Variants in DNAH8 observed in about 807,000 individuals in gnomAD.
The protein encoded by DNAH8 is axonemal beta dynein heavy chain 8.
Under a neutral mutation model 562.1 loss-of-function variants are expected in DNAH8, and 382 were observed. The ratio of observed to expected loss-of-function variants is 0.68; its 90% confidence interval spans 0.63 to 0.74. DNAH8 has a LOEUF of 0.74. Among genes scored for constraint, DNAH8 ranks in the 30% least tolerant of loss-of-function variants. DNAH8 has a pLI of 0.00. For synonymous variants in DNAH8, 1,881 were observed against 1,919.4 expected (o/e 0.98, Z 0.52); for missense variants, 5,203 against 5,620.4 (o/e 0.93, Z 2.37).
At chr6:39,009,964 C>A (rs772528415) in intron 89 of DNAH8, among the ~76,000 whole-genome samples, 1 of 152,142 alleles carries the variant, frequency 6.6e-6, no homozygotes, top group Non-Finnish European at 1.5e-5. Context: ...AGGCAGCATA[C>A]TTGCCTTCAA....
chr6:38,845,504 C>G, intron 35 of DNAH8, 70 bp from the exon 36 acceptor site: 1 of 1,301,146 alleles, frequency 7.7e-7, no homozygotes, highest in Non-Finnish European at 1.1e-6. Flanking sequence ...AAAAAAAATT[C>G]TATGATTTGA....
intron 58 of DNAH8, among the ~76,000 whole-genome samples, chr6:38,892,889 C>T (rs531630057): frequency 6.6e-5 from 10 of 152,254 alleles, no homozygotes; most frequent in Admixed American, 5.9e-4. Flanking sequence ...GGCCACCATA[C>T]GTTGGCTCAT....
chr6:38,902,261 T>A (rs1195641640), intron 62 of DNAH8, among the ~76,000 whole-genome samples: 1 of 152,128 alleles, frequency 6.6e-6, no homozygotes, highest in Non-Finnish European at 1.5e-5. Context: ...TTCAAACAGC[T>A]CCTCCAGGAG....
chr6:38,886,644 T>TA, intron 56 of DNAH8, 147 bp from the exon 57 acceptor site: 1 of 681,982 alleles, frequency 1.5e-6, no homozygotes, highest in Non-Finnish European at 2.5e-6. Flanking sequence ...TAAGTCAAAT[T>TA]ACCTTGAAGG....
At chr6:38,763,426 G>A (rs946536908) in intron 11 of DNAH8, 1 of 309,836 alleles carries the variant, frequency 3.2e-6, no homozygotes, top group Non-Finnish European at 6.2e-6. Flanking sequence ...GAAGAACAGA[G>A]CAACAAGAGC....
chr6:38,863,803 G>C, intron 44 of DNAH8, 70 bp from the exon 45 acceptor site: 1 of 1,310,556 alleles, frequency 7.6e-7, no homozygotes, highest in Non-Finnish European at 1.0e-6. Context: ...GGGAGCACTG[G>C]AGAAATGATT....
At chr6:38,761,122 T>G (rs1040955928) in intron 10 of DNAH8, among the ~76,000 whole-genome samples, 3 of 150,594 alleles carry the variant, frequency 2.0e-5, no homozygotes, top group Non-Finnish European at 3.0e-5. Flanking sequence ...ATTTTATTAT[T>G]ATTATACTTT....
In DNAH8 at chr6:38,803,329, T is replaced by C. The variant is rs1366971794; in HGVS notation, c.3034+18T>C. The C allele has an allele frequency of 6.3e-7, 1 of 1,588,968 alleles. No individual in the cohort carries two copies. On this transcript the variant is annotated intron_variant, in intron 22 of 92. Transcript: ENST00000327475. ...ACAGTCAGGTAACTTTTCTCGTTAC[T>C]GTGTTTGAATTACAAGATCTACAGA...
At chr6:38,974,624 G>T in intron 85 of DNAH8, 95 bp downstream of exon 85, 2 of 930,580 alleles carry the variant, frequency 2.1e-6, no homozygotes, top group Non-Finnish European at 3.3e-6. Context: ...ATCCGTTGCC[G>T]CTCTGTCTCC....
At chr6:38,737,507 A>T (rs373387718) in intron 6 of DNAH8, among the ~76,000 whole-genome samples, 1 of 151,610 alleles carries the variant, frequency 6.6e-6, no homozygotes, top group East Asian at 1.9e-4. Context: ...TTTTCACCAT[A>T]TTAAAATATA....
chr6:38,970,877 G>A (rs529667998), intron 82 of DNAH8, among the ~76,000 whole-genome samples: 2 of 152,274 alleles, frequency 1.3e-5, no homozygotes, highest in African/African-American at 2.4e-5. Flanking sequence ...CATGTGGGAG[G>A]TCACAAGCAT....
chr6:38,877,710 A>G (rs1778133311), intron 53 of DNAH8, among the ~76,000 whole-genome samples: 2 of 152,198 alleles, frequency 1.3e-5, no homozygotes, highest in South Asian at 4.1e-4. Flanking sequence ...TATGGACATT[A>G]ACATCTTTGG....
intron 3 of DNAH8, 105 bp from the exon 4 acceptor site, chr6:38,729,797 T>C (rs1763525459): frequency 1.5e-6 from 1 of 645,868 alleles, no homozygotes; most frequent in Non-Finnish European, 2.7e-6. Flanking sequence ...AATCTTGCCT[T>C]TATGTACCTT....
chr6:38,974,300 C>T (rs927843146), intron 84 of DNAH8, 74 bp from the exon 85 acceptor site: 1 of 1,183,408 alleles, frequency 8.5e-7, no homozygotes, highest in African/African-American at 1.6e-5. Flanking sequence ...GATATTCAGC[C>T]TAATATTGTA....
chr6:38,863,376 G>A (rs370857532), intron 44 of DNAH8, among the ~76,000 whole-genome samples: 54 of 152,024 alleles, frequency 3.6e-4, no homozygotes, highest in African/African-American at 1.0e-3. Context: ...GCAGTGAGCC[G>A]AGATCTTGCC....
intron 1 of DNAH8, among the ~76,000 whole-genome samples, chr6:38,720,560 A>G (rs1762672672): frequency 6.6e-6 from 1 of 152,214 alleles, no homozygotes; most frequent in African/African-American, 2.4e-5. Flanking sequence ...GACCTAGTGA[A>G]AAACAAAAGA....
intron 11 of DNAH8, among the ~76,000 whole-genome samples, chr6:38,770,114 G>A (rs1365721456): frequency 2.0e-5 from 3 of 152,082 alleles, no homozygotes; most frequent in Admixed American, 6.6e-5. Context: ...AGATGGATGC[G>A]AACTGAATAG....
chr6:38,828,359 T>G (rs1773548481), intron 30 of DNAH8, 71 bp downstream of exon 30: 1 of 859,126 alleles, frequency 1.2e-6, no homozygotes, highest in Non-Finnish European at 1.8e-6. Flanking sequence ...ATTTTATACC[T>G]TTTTAAAGCT....
chr6:38,791,775 T>C (rs1374322209), intron 21 of DNAH8, 101 bp downstream of exon 21: 1 of 1,286,650 alleles, frequency 7.8e-7, no homozygotes, highest in African/African-American at 1.6e-5. Context: ...CAGTAGCATT[T>C]AGACTTTTTT....
Sources: gnomAD v4.1 joint callset for allele counts (sites outside exome capture counted in the v4.1 genomes callset) on GRCh38, gnomAD v4.1.1 for gene constraint, MANE v1.5 for transcripts, NCBI Gene and HGNC (gene_info 2026-07-23, HGNC 2026-07-21) for gene names.